Variants in PAPSS1 observed in about 807,000 individuals in gnomAD.
PAPSS1 encodes the protein bifunctional 3'-phosphoadenosine 5'-phosphosulfate synthase 1.
In PAPSS1, 50 loss-of-function variants were observed where a neutral mutation model predicts 72.0. That is an observed-to-expected ratio of 0.69 (90% confidence interval 0.55 to 0.88). The LOEUF is 0.88. PAPSS1 is among the 40% of genes least tolerant of loss of function. The pLI, the probability that PAPSS1 is intolerant of heterozygous loss-of-function variation, is 0.00. For synonymous variants in PAPSS1, 261 were observed against 263.6 expected (o/e 0.99, Z 0.09); for missense variants, 657 against 782.2 (o/e 0.84, Z 1.91).
chr4:107,711,757 T>C (rs1298237118), intron 1 of PAPSS1, among the ~76,000 whole-genome samples: 1 of 152,216 alleles, frequency 6.6e-6, no homozygotes, highest in Non-Finnish European at 1.5e-5. Flanking sequence ...AAATCTTTAG[T>C]TCACAGAGTT....
rs564487242 is a variant in PAPSS1 at position 107,694,684 on chromosome 4, T to C, written c.176-678A>G. On this transcript the variant is annotated intron_variant, in intron 2 of 11. Transcript: ENST00000265174. ...CTCCATTTTCCTAGATCATCAGCAC[T>C]CACAAACCACCTTGATACAATTATC... is the stretch of plus-strand genomic sequence containing the variant. Among the ~76,000 whole-genome samples the C allele has an allele frequency of 2.0e-5, 3 of 152,302 alleles. No homozygotes were observed. In the South Asian group the frequency reaches 6.2e-4, roughly 32 times the overall value.
In PAPSS1 at chr4:107,627,489, AGGAAGGCACTGCTACCCT is replaced by A. The variant is rs1469529139; in HGVS notation, c.1736+4124_1736+4141del. On this transcript the variant is annotated intron_variant, in intron 11 of 11. Coordinates refer to ENST00000265174, the MANE Select transcript of PAPSS1 (RefSeq NM_005443.5). ...GACATTGTATGTTTTATAGATCTGT[AGGAAGGCACTGCTACCCT>A]TTTTTAGTGGTTTTAAAGTGGGGAG... Among the ~76,000 whole-genome samples, 3 of 152,294 alleles carry A rather than the reference AGGAAGGCACTGCTACCCT, an allele frequency of 2.0e-5. No homozygotes were observed. In the East Asian group the frequency reaches 5.8e-4, roughly 29 times the overall value.
chr4:107,685,095 G>A (rs918895978), intron 4 of PAPSS1, among the ~76,000 whole-genome samples: 4 of 152,032 alleles, frequency 2.6e-5, no homozygotes, highest in Non-Finnish European at 4.4e-5. Context: ...TAGTAGAGAC[G>A]GGGTTTCACC....
chr4:107,672,182 C>T (rs973610369), intron 5 of PAPSS1, among the ~76,000 whole-genome samples: 5 of 152,294 alleles, frequency 3.3e-5, no homozygotes, highest in East Asian at 1.9e-4. Context: ...AACTGAGGCA[C>T]CGGGCGCATC....
chr4:107,637,681 A>G (rs1726425494), intron 10 of PAPSS1, among the ~76,000 whole-genome samples: 1 of 152,234 alleles, frequency 6.6e-6, no homozygotes, highest in Admixed American at 6.5e-5. Flanking sequence ...TATTAAAGTC[A>G]ATATTCTATA....
intron 5 of PAPSS1, among the ~76,000 whole-genome samples, chr4:107,671,656 G>A (rs951178215): frequency 6.6e-6 from 1 of 152,062 alleles, no homozygotes; most frequent in African/African-American, 2.4e-5. Context: ...GAGAGGAATT[G>A]GTTCCAGGAC....
At chr4:107,713,391 T>C (rs947805904) in intron 1 of PAPSS1, among the ~76,000 whole-genome samples, 3 of 152,026 alleles carry the variant, frequency 2.0e-5, no homozygotes, top group Non-Finnish European at 4.4e-5. Flanking sequence ...GACATGTAAA[T>C]GTTCTAAAAT....
chr4:107,677,607 C>A (rs1578415919), intron 5 of PAPSS1, among the ~76,000 whole-genome samples: 1 of 152,286 alleles, frequency 6.6e-6, no homozygotes. Context: ...ACTAGTTCCA[C>A]CATTGTGGAA....
intron 5 of PAPSS1, among the ~76,000 whole-genome samples, chr4:107,669,624 A>G (rs1252726876): frequency 6.6e-6 from 1 of 152,234 alleles, no homozygotes; most frequent in Admixed American, 6.5e-5. Context: ...TCAACTAAGT[A>G]CAACAGAGAA....
intron 5 of PAPSS1, among the ~76,000 whole-genome samples, chr4:107,670,615 T>C (rs1345129877): frequency 4.6e-5 from 7 of 152,192 alleles, no homozygotes. Flanking sequence ...CATAGCTCTC[T>C]GCAGCCTCAA....
intron 11 of PAPSS1, among the ~76,000 whole-genome samples, chr4:107,629,096 G>A (rs1241372728): frequency 2.0e-5 from 3 of 152,140 alleles, no homozygotes; most frequent in Non-Finnish European, 4.4e-5. Flanking sequence ...ATTATAACAT[G>A]TCTGAACAGG....
At chr4:107,703,210 T>A (rs1723249040) in intron 1 of PAPSS1, among the ~76,000 whole-genome samples, 1 of 152,234 alleles carries the variant, frequency 6.6e-6, no homozygotes, top group South Asian at 2.1e-4. Flanking sequence ...TTAATTGCAC[T>A]GTTTTCTTGC....
chr4:107,683,017 T>C (rs1246760931), intron 4 of PAPSS1, among the ~76,000 whole-genome samples: 2 of 152,300 alleles, frequency 1.3e-5, no homozygotes, highest in East Asian at 1.9e-4. Flanking sequence ...AAAGAGCAAA[T>C]AGACGACAAT....
At position 107,719,816 on chromosome 4, in the gene PAPSS1, G is replaced by C. The variant is rs545831439; in HGVS notation, c.60+304C>G. On this transcript the variant is annotated intron_variant, in intron 1 of 11. Coordinates refer to ENST00000265174, the MANE Select transcript of PAPSS1 (RefSeq NM_005443.5). ...AGGTTTCAGCAAGCGCCAGTTCACG[G>C]GTGAAGGATTTTCCTGGGGGTCTTA... 2.0e-4 allele frequency: 249 copies of C among 1,256,430 alleles called. 6 individuals are homozygous for C. In the South Asian group the frequency reaches 4.9e-3, roughly 25 times the overall value. 77.8% of individuals were successfully genotyped at this position (1,256,430 alleles called of 1,614,324 possible).
At chr4:107,686,422 T>C (rs1722789093) in intron 4 of PAPSS1, among the ~76,000 whole-genome samples, 1 of 152,270 alleles carries the variant, frequency 6.6e-6, no homozygotes, top group African/African-American at 2.4e-5. Flanking sequence ...TTGTTATTTA[T>C]ACTATTTTTA....
intron 7 of PAPSS1, 30 bp downstream of exon 7, chr4:107,656,866 C>T: frequency 1.4e-6 from 2 of 1,392,428 alleles, no homozygotes; most frequent in South Asian, 1.2e-5. Flanking sequence ...CTTCCACATA[C>T]AATATAATTT....
At chr4:107,685,604 G>GA (rs1331299466) in intron 4 of PAPSS1, among the ~76,000 whole-genome samples, 1 of 152,176 alleles carries the variant, frequency 6.6e-6, no homozygotes, top group Admixed American at 6.5e-5. Flanking sequence ...TCTGAGTCAA[G>GA]AAAGTAACAG....
chr4:107,617,655 A>G (rs1261267996), intron 11 of PAPSS1, among the ~76,000 whole-genome samples: 2 of 152,136 alleles, frequency 1.3e-5, no homozygotes, highest in East Asian at 3.9e-4. Context: ...TACACATTCA[A>G]CTCAGTATTT....
chr4:107,704,274 C>A (rs553948495), intron 1 of PAPSS1, among the ~76,000 whole-genome samples: 170 of 152,310 alleles, frequency 1.1e-3, no homozygotes, highest in African/African-American at 4.0e-3. Flanking sequence ...TTATTTAAAA[C>A]CACGTCATCT....
Sources: allele counts gnomAD v4.1 joint callset (sites outside exome capture counted in the v4.1 genomes callset), GRCh38; gene constraint gnomAD v4.1.1; transcripts MANE v1.5; gene names NCBI Gene and HGNC (gene_info 2026-07-23, HGNC 2026-07-21).